Variants in MEP1A observed in about 807,000 individuals in gnomAD.
MEP1A encodes N-benzoyl-L-tyrosyl-P-amino-benzoic acid hydrolase subunit alpha.
A neutral mutation model predicts 84.5 loss-of-function variants in MEP1A; 68 were observed. The observed-to-expected ratio is 0.80, with a 90% CI of 0.66 to 0.98. MEP1A has a LOEUF of 0.98. MEP1A is among the 50% of genes least tolerant of loss of function. MEP1A has a pLI of 0.00. For synonymous variants in MEP1A, 337 were observed against 336.8 expected, an observed-to-expected ratio of 1.00 and a Z score of -0.01; for missense variants, 887 against 919.9, an observed-to-expected ratio of 0.96 and a Z score of 0.46.
rs1766984812 is a variant in MEP1A at position 46,793,695 on chromosome 6, G to A, written c.124G>A (p.Asp42Asn). The A allele has an allele frequency of 6.2e-7, 1 of 1,609,398 alleles. No homozygotes were observed. Among genetic ancestry groups the A allele is most frequent in the African/African-American group, 1.3e-5 (1 of 74,884 alleles). ...VHDADFGEQK[D>N]ISEINLAAGL... ...TGATGCAGATTTTGGTGAACAGAAG[G>A]ATATTTCAGAAATCAATTTAGGTGA... Residue 42 changes from aspartate to asparagine, a missense_variant, in exon 3 of 14, where the codon GAT becomes AAT. Physicochemically the swap from Asp to Asn is conservative, Grantham distance 23. Transcript: ENST00000230588.
rs771456674 is a variant in MEP1A, at chr6:46,799,186, T to C, written c.262+5T>C. 2.5e-6 allele frequency: 4 copies of C among 1,586,596 alleles called. No homozygotes were observed. Among genetic ancestry groups the C allele is most frequent in the South Asian group, 2.2e-5 (2 of 90,536 alleles). On this transcript the variant is annotated splice_donor_5th_base_variant and intron_variant, in intron 5 of 13. Coordinates refer to ENST00000230588, the MANE Select transcript of MEP1A (RefSeq NM_005588.3). ...ACATCTTGGCTGATAATTTGGGTAATATTAATTGTTCTTAATTAGGAAGTT... is the reference window on the plus strand; with the variant it reads ...ACATCTTGGCTGATAATTTGGGTAACATTAATTGTTCTTAATTAGGAAGTT...
downstream of MEP1A, among the ~76,000 whole-genome samples, chr6:46,842,524 T>G (rs1234783766): frequency 6.6e-6 from 1 of 152,196 alleles, no homozygotes; most frequent in African/African-American, 2.4e-5. Context: ...TCAGGCTTAC[T>G]AGGATTGGGA....
chr6:46,798,913 C>T (rs970926886), intron 4 of MEP1A, among the ~76,000 whole-genome samples, 193 bp from the exon 5 acceptor site: 2 of 152,174 alleles, frequency 1.3e-5, no homozygotes, highest in African/African-American at 4.8e-5. Flanking sequence ...TTATTTTGTT[C>T]TTAATAATTT....
intron 3 of MEP1A, among the ~76,000 whole-genome samples, chr6:46,796,137 A>C (rs557576481): frequency 9.5e-4 from 144 of 152,280 alleles, no homozygotes; most frequent in African/African-American, 3.3e-3. Context: ...CATCACCAGG[A>C]AACTTGTTAG....
Position 46,834,740 on chromosome 6 carries a change from T to G in MEP1A, c.1772T>G (p.Val591Gly), listed in dbSNP as rs775712275. The G allele has an allele frequency of 1.2e-6, 2 of 1,611,004 alleles. No individual in the cohort carries two copies. Among genetic ancestry groups the G allele is most frequent in the Non-Finnish European group, 1.7e-6 (2 of 1,179,256 alleles). Residue 591 changes from valine to glycine, a missense_variant, in exon 12 of 14, where the codon GTG (valine) becomes GGG (glycine). Physicochemically the swap from Val to Gly is moderately radical, Grantham distance 109. Transcript: ENST00000230588. The part of the protein sequence containing the change: ...FLKNDDLIIF[V>G]DFEDITHLSQ... ...AAAAATGATGACCTCATCATATTTGTGGACTTTGAAGGTACTTTTGTTGGT... is the reference window on the plus strand; with the variant it reads ...AAAAATGATGACCTCATCATATTTGGGGACTTTGAAGGTACTTTTGTTGGT...
intron 7 of MEP1A, among the ~76,000 whole-genome samples, chr6:46,820,891 A>G (rs754692023): frequency 7.2e-5 from 11 of 152,328 alleles, no homozygotes; most frequent in Non-Finnish European, 1.5e-4. Context: ...AAACTTTAAT[A>G]TATTTAAAAT....
intron 13 of MEP1A, among the ~76,000 whole-genome samples, chr6:46,837,542 G>A (rs1357417971): frequency 6.6e-6 from 1 of 152,166 alleles, no homozygotes; most frequent in Admixed American, 6.5e-5. Flanking sequence ...CAAAGCCATA[G>A]GTCTGCATAT....
intron 3 of MEP1A, among the ~76,000 whole-genome samples, chr6:46,797,828 T>TTCTCTCTC (rs1767087141): frequency 8.5e-6 from 1 of 118,228 alleles, no homozygotes; most frequent in African/African-American, 3.0e-5. Flanking sequence ...CTTTCTTTCT[T>TTCTCTCTC]TCTTTCTTTC....
intron 2 of MEP1A, 33 bp from the exon 3 acceptor site, chr6:46,793,633 A>T: frequency 6.3e-7 from 1 of 1,587,614 alleles, no homozygotes; most frequent in East Asian, 2.2e-5. Flanking sequence ...CTTCGGCAAG[A>T]CTAATAATAA....
chr6:46,812,351 A>T (rs991877986), intron 6 of MEP1A, among the ~76,000 whole-genome samples: 23 of 151,900 alleles, frequency 1.5e-4, no homozygotes, highest in African/African-American at 5.3e-4. Context: ...GCTTATTGGG[A>T]TCTTCTGTCT....
intron 6 of MEP1A, among the ~76,000 whole-genome samples, chr6:46,818,207 CTTAAAA>C (rs1045188680): frequency 1.2e-4 from 19 of 152,064 alleles, no homozygotes; most frequent in African/African-American, 3.9e-4. Flanking sequence ...GAATTGTATA[CTTAAAA>C]TTAAAGAATT....
chr6:46,820,962 T>C (rs1210194514), intron 7 of MEP1A, among the ~76,000 whole-genome samples: 1 of 152,190 alleles, frequency 6.6e-6, no homozygotes, highest in Non-Finnish European at 1.5e-5. Flanking sequence ...TAGGTATCTG[T>C]TTTATTTAGA....
chr6:46,811,354 T>A (rs1480185638), intron 6 of MEP1A, among the ~76,000 whole-genome samples: 1 of 152,028 alleles, frequency 6.6e-6, no homozygotes, highest in Non-Finnish European at 1.5e-5. Context: ...TATTTACCAG[T>A]TCTAGGAGCT....
At chr6:46,804,004 T>C (rs187133871) in intron 5 of MEP1A, among the ~76,000 whole-genome samples, 1 of 151,846 alleles carries the variant, frequency 6.6e-6, no homozygotes, top group African/African-American at 2.4e-5. Context: ...GCTTCATAAG[T>C]CTCGCACTAT....
In MEP1A at chr6:46,833,197, A is replaced by G; in HGVS notation, c.1268A>G (p.Asp423Gly). ...TCAACTGGGGGAATTTACCTAGATG[A>G]CATCACTCTGACAGAAACCCCCTGC... The part of the protein sequence containing the change: ...QNSTGGIYLD[D>G]ITLTETPCPT... Residue 423 changes from aspartate (D) to glycine (G), a missense_variant, in exon 11 of 14, where the codon GAC becomes GGC. Asp to Gly is a moderately conservative substitution (Grantham distance 94). Transcript: ENST00000230588. 6.2e-7 allele frequency: 1 copy of G among 1,612,068 alleles called. No homozygotes were observed. The highest frequency in any genetic ancestry group is 8.5e-7 in the Non-Finnish European group (1 of 1,179,108).
intron 6 of MEP1A, among the ~76,000 whole-genome samples, chr6:46,818,697 C>T (rs1767697306): frequency 6.6e-6 from 1 of 152,190 alleles, no homozygotes; most frequent in African/African-American, 2.4e-5. Flanking sequence ...GTTAGGCAGC[C>T]TTCTCTGTGC....
Position 46,793,696 on chromosome 6 carries a change from A to G in MEP1A, c.125A>G (p.Asp42Gly). ...VHDADFGEQK[D>G]ISEINLAAGL... ...GATGCAGATTTTGGTGAACAGAAGG[A>G]TATTTCAGAAATCAATTTAGGTGAG... Residue 42 changes from aspartate to glycine, a missense_variant, in exon 3 of 14, where the codon GAT becomes GGT. By Grantham distance (94) the Asp-to-Gly change is moderately conservative (BLOSUM62 -1). Coordinates refer to ENST00000230588, the MANE Select transcript of MEP1A (RefSeq NM_005588.3). The G allele has an allele frequency of 1.2e-6, 2 of 1,609,642 alleles. No individual in the cohort carries two copies. Among genetic ancestry groups the G allele is most frequent in the South Asian group, 2.2e-5 (2 of 90,808 alleles).
At chr6:46,826,252 TC>T (rs1294081441) in intron 8 of MEP1A, 101 bp from the exon 9 acceptor site, 1 of 1,032,990 alleles carries the variant, frequency 9.7e-7, no homozygotes, top group African/African-American at 1.6e-5. Flanking sequence ...AAGCTTGTGA[TC>T]CTGTCATATC....
downstream of MEP1A, among the ~76,000 whole-genome samples, chr6:46,840,604 G>A (rs559232601): frequency 1.3e-5 from 2 of 151,992 alleles, no homozygotes; most frequent in Non-Finnish European, 2.9e-5. Flanking sequence ...CAGCTAGCTG[G>A]GTAAATTTTA....
Sources: gnomAD v4.1 joint callset for allele counts (sites outside exome capture counted in the v4.1 genomes callset) on GRCh38, gnomAD v4.1.1 for gene constraint, MANE v1.5 for transcripts, NCBI Gene and HGNC (gene_info 2026-07-23, HGNC 2026-07-21) for gene names.